The following RAI14 variants were observed in gnomAD, a reference collection of about 807,000 sequenced individuals.
The protein encoded by RAI14 is retinoic acid induced 14.
A neutral mutation model predicts 115.4 loss-of-function variants in RAI14; 45 were observed. The observed-to-expected ratio is 0.39, with a 90% confidence interval of 0.31 to 0.50. The LOEUF is 0.50. Among genes scored for constraint, RAI14 ranks in the 20% least tolerant of loss-of-function variants. The pLI is 0.85. For synonymous variants in RAI14, 371 were observed against 415.4 expected, an observed-to-expected ratio of 0.89 and a Z score of 1.30; for missense variants, 939 against 1,131.2, an observed-to-expected ratio of 0.83 and a Z score of 2.44.
At position 34,823,888 on chromosome 5, in the gene RAI14, G is replaced by A. The variant is rs1462492633; in HGVS notation, c.2046G>A (p.Glu682=). The change falls in exon 15 of 18, where the codon GAG becomes GAA. Residue 682 remains glutamate, a synonymous_variant. Transcript: ENST00000265109. This position sits in a 1 kb window ranked among gnomAD's most constrained non-coding sequence, Gnocchi z 4.5. ...TAEYIHKAEH[E]KLMQLTNVSR... ...AATATATCCATAAAGCAGAGCATGA[G>A]AAACTGATGCAATTGACAAACGTGT... 5.6e-6 allele frequency: 9 copies of A among 1,614,152 alleles called. No homozygotes were observed. In the East Asian group the frequency reaches 2.0e-4, roughly 36 times the overall value.
rs1227351298 is a variant in RAI14, at chr5:34,658,588, C to G, written c.-49+2113C>G. On this transcript the variant is annotated intron_variant, in intron 1 of 17. Coordinates refer to ENST00000265109, the MANE Select transcript of RAI14 (RefSeq NM_015577.3). ...CAGGCGGATCATGAGGTCAGGAGATCGAGACCATCCTGGCCAACACAGTGA... is the reference window on the plus strand; with the variant it reads ...CAGGCGGATCATGAGGTCAGGAGATGGAGACCATCCTGGCCAACACAGTGA... 2.6e-5 allele frequency among the ~76,000 whole-genome samples: 4 copies of G among 152,008 alleles called. No homozygotes were observed. The East Asian group carries it at 7.8e-4, about 29-fold the overall frequency.
rs1484533436 is a variant in RAI14, at chr5:34,826,476, G to A, written c.2796G>A (p.Leu932=). 1.9e-6 allele frequency: 3 copies of A among 1,612,710 alleles called. No individual in the cohort carries two copies. The highest frequency in any genetic ancestry group is 2.5e-6 in the Non-Finnish European group (3 of 1,179,282). The stretch of plus-strand genomic sequence containing the variant: ...AAGTCAAACAGCTCCAGAACCAGCT[G>A]GCGGTGAGTGGGCTTGTTTCTGCTG... ...QQQVKQLQNQ[L]AECKKQHQEV... Residue 932 remains leucine, a synonymous_variant, in exon 16 of 18, where the codon CTG becomes CTA. Coordinates refer to ENST00000265109, the MANE Select transcript of RAI14 (RefSeq NM_015577.3).
At chr5:34,799,685 A>ATTTTTTTTTTTTT (rs57115550) in intron 4 of RAI14, among the ~76,000 whole-genome samples, 5 of 103,414 alleles carry the variant, frequency 4.8e-5, no homozygotes, top group African/African-American at 1.6e-4. Context: ...ATCTGTTAGC[A>ATTTTTTTTTTTTT]TTTTTTTTTT....
intron 11 of RAI14, among the ~76,000 whole-genome samples, 195 bp from the exon 12 acceptor site, chr5:34,814,388 T>A (rs192609403): frequency 6.6e-6 from 1 of 152,346 alleles, no homozygotes; most frequent in East Asian, 1.9e-4. Flanking sequence ...CACAGTTATA[T>A]TCTGTAAACT....
intron 2 of RAI14, among the ~76,000 whole-genome samples, chr5:34,694,772 G>A (rs1376562060): frequency 1.3e-5 from 2 of 152,184 alleles, no homozygotes; most frequent in African/African-American, 4.8e-5. Flanking sequence ...CCTTGGATAT[G>A]TTTGTTCTAA....
intron 3 of RAI14, among the ~76,000 whole-genome samples, chr5:34,777,061 G>A (rs1470005322): frequency 6.6e-6 from 1 of 151,858 alleles, no homozygotes; most frequent in East Asian, 2.0e-4. Flanking sequence ...ATACCAGCAG[G>A]AGGCTGAGGC....
intron 1 of RAI14, among the ~76,000 whole-genome samples, chr5:34,662,720 G>GTTTT (rs1195905445): frequency 1.8e-5 from 1 of 56,376 alleles, no homozygotes. Flanking sequence ...AATTTAAACA[G>GTTTT]ATTTTTTTTT....
rs769023739 is a variant in RAI14, at chr5:34,824,059, G to A, written c.2217G>A (p.Thr739=). The A allele has an allele frequency of 2.0e-5, 33 of 1,614,018 alleles. No homozygotes were observed. Among genetic ancestry groups the A allele is most frequent in the Middle Eastern group, 3.3e-4 (2 of 6,084 alleles). ...CAGAACATTTGCAAGTGATAACCAC[G>A]CTGCGGACTGCAGCAAAAGAGATGG... The part of the protein sequence containing the change: ...SITEHLQVIT[T]LRTAAKEMEE... Residue 739 remains threonine, a synonymous_variant, in exon 15 of 18, where the codon ACG becomes ACA. Transcript: ENST00000265109.
rs1554037638 is a variant in RAI14 at position 34,665,178 on chromosome 5, C to CATATATGTAT, written c.-49+8709_-49+8710insGTATATATAT. Among the ~76,000 whole-genome samples, 41 of 7,068 alleles carry CATATATGTAT rather than the reference C, an allele frequency of 5.8e-3. 7 individuals carry two copies. Among genetic ancestry groups the CATATATGTAT allele is most frequent in the Non-Finnish European group, 9.0e-3 (29 of 3,234 alleles). 4.6% of individuals were successfully genotyped at this position (7,068 alleles called of 152,430 possible). A position where few individuals can be genotyped will look rare whatever the true frequency, so the allele number is the denominator to read the frequency against. On this transcript the variant is annotated intron_variant, in intron 1 of 17. Transcript: ENST00000265109. ...GTGTGTGTATATATATATATACACA[C>CATATATGTAT]ATATATATATGTATATATATACACA...
chr5:34,684,667 T>G (rs1432882829), intron 1 of RAI14: 1 of 152,200 alleles, frequency 6.6e-6, no homozygotes, highest in Non-Finnish European at 1.5e-5. Flanking sequence ...GCAGCAAGAA[T>G]GAAAGTAGAC....
chr5:34,785,043 A>G (rs1030627675), intron 3 of RAI14, among the ~76,000 whole-genome samples: 1 of 152,220 alleles, frequency 6.6e-6, no homozygotes, highest in Non-Finnish European at 1.5e-5. Context: ...AACATTCTCC[A>G]TTTACCTTAT....
rs1368893353 is a variant in RAI14, at chr5:34,781,946, A to C, written c.168-13993A>C. On this transcript the variant is annotated intron_variant, in intron 3 of 17. Transcript: ENST00000265109. ...CATATTTATTGACAGCAAGCCAGTC[A>C]TGAGATTTACTAAAAGTATTCCTTA... is the stretch of plus-strand genomic sequence containing the variant. Among the ~76,000 whole-genome samples, 2 of 152,364 alleles carry C rather than the reference A, an allele frequency of 1.3e-5. 1 individual carries two copies. Among genetic ancestry groups the C allele is most frequent in the South Asian group, 4.1e-4 (2 of 4,824 alleles).
At chr5:34,735,307 T>C (rs1350200867) in intron 2 of RAI14, among the ~76,000 whole-genome samples, 2 of 152,230 alleles carry the variant, frequency 1.3e-5, no homozygotes, top group South Asian at 2.1e-4. Flanking sequence ...ATCTTGTTTA[T>C]ATATGCAAAA....
rs117390865 is a variant in RAI14 at position 34,801,710 on chromosome 5, C to T, written c.257-2002C>T. ...GAGCCGAGATGGTGCCACTGCACTC[C>T]GGCCTGAATGACAGATAAGACTTTC... On this transcript the variant is annotated intron_variant, in intron 4 of 17. Coordinates refer to ENST00000265109, the MANE Select transcript of RAI14 (RefSeq NM_015577.3). Among the ~76,000 whole-genome samples, 217 of 151,384 alleles carry T rather than the reference C, an allele frequency of 1.4e-3. 7 individuals carry two copies. The East Asian group carries it at 0.033, about 23-fold the overall frequency.
intron 2 of RAI14, among the ~76,000 whole-genome samples, chr5:34,736,172 G>A (rs949573886): frequency 8.5e-5 from 13 of 152,196 alleles, no homozygotes; most frequent in Non-Finnish European, 1.9e-4. Context: ...AGGCCAAGGC[G>A]GGCGGATCAC....
At position 34,681,507 on chromosome 5, in the gene RAI14, T is replaced by A. The variant is rs182330930; in HGVS notation, c.-48-5365T>A. 7.2e-5 allele frequency among the ~76,000 whole-genome samples: 11 copies of A among 152,184 alleles called. No homozygotes were observed. The East Asian group carries it at 1.7e-3, about 24-fold the overall frequency. On this transcript the variant is annotated intron_variant, in intron 1 of 17. Transcript: ENST00000265109. ...TCCGTGATGGAATATTATTATTATT[T>A]TTTTCGAGATAGAGTCTCACTCTTT... is the stretch of plus-strand genomic sequence containing the variant.
chr5:34,798,032 G>GT (rs1251598180), intron 4 of RAI14, among the ~76,000 whole-genome samples: 3 of 151,936 alleles, frequency 2.0e-5, no homozygotes, highest in Non-Finnish European at 4.4e-5. Flanking sequence ...TTTTGTGTGT[G>GT]TTTTTTTGTT....
chr5:34,823,963 A>G lies in RAI14; in HGVS notation c.2121A>G (p.Ser707=), dbSNP rs759976252. ...DALSEMKSQY[S]KVLNELTQLK... is the part of the protein sequence containing the mutation. Reference sequence around the variant, plus strand: ...TGTCTGAAATGAAGTCTCAGTATTCAAAAGTGTTGAATGAGTTGACCCAGC... The same window carrying G: ...TGTCTGAAATGAAGTCTCAGTATTCGAAAGTGTTGAATGAGTTGACCCAGC... Residue 707 remains serine, a synonymous_variant, in exon 15 of 18, where the codon TCA becomes TCG. Transcript: ENST00000265109. The surrounding 1 kb of genome is among the most constrained non-coding windows in gnomAD (Gnocchi z 4.5). The G allele has an allele frequency of 2.5e-6, 4 of 1,614,156 alleles. No homozygotes were observed. Among genetic ancestry groups the G allele is most frequent in the East Asian group, 4.5e-5 (2 of 44,890 alleles).
At chr5:34,676,116 T>G (rs1251432867) in intron 1 of RAI14, among the ~76,000 whole-genome samples, 2 of 152,226 alleles carry the variant, frequency 1.3e-5, no homozygotes, top group African/African-American at 4.8e-5. Context: ...GACTATACCA[T>G]TTTACATTTT....
Sources: allele counts gnomAD v4.1 joint callset (sites outside exome capture counted in the v4.1 genomes callset), GRCh38; gene constraint gnomAD v4.1.1; non-coding constraint Gnocchi (gnomAD v3.1); transcripts MANE v1.5; gene names NCBI Gene and HGNC (gene_info 2026-07-23, HGNC 2026-07-21).